The following ANKRD30B variants were observed in gnomAD, a reference collection of about 807,000 sequenced individuals.
ANKRD30B encodes ankyrin repeat domain 30B.
ANKRD30B carries 144 observed loss-of-function variants against 202.2 expected under a neutral mutation model. The observed-to-expected ratio is 0.71, with a 90% confidence interval of 0.62 to 0.82. The LOEUF (loss-of-function observed/expected upper bound fraction) is 0.82. ANKRD30B is among the 40% of genes least tolerant of loss of function. ANKRD30B has a pLI of 0.00. For synonymous variants in ANKRD30B, 508 were observed against 561.3 expected (o/e 0.91, Z 1.34); for missense variants, 1,487 against 1,669.1 (o/e 0.89, Z 1.90).
At chr18:14,848,305 C>G (rs1056433263) in intron 39 of ANKRD30B, among the ~76,000 whole-genome samples, 1 of 152,092 alleles carries the variant, frequency 6.6e-6, no homozygotes, top group African/African-American at 2.4e-5. Flanking sequence ...TGGAGGCAGA[C>G]TACACTAGAG....
At chr18:14,920,845 T>C in the ANKRD30B span, among the ~76,000 whole-genome samples, 1 of 152,236 alleles carries the variant, frequency 6.6e-6, no homozygotes, top group Non-Finnish European at 1.5e-5. Context: ...TTTGAAATAA[T>C]TGACAAGTTA....
At chr18:14,892,336 T>C in the ANKRD30B span, among the ~76,000 whole-genome samples, 1 of 152,218 alleles carries the variant, frequency 6.6e-6, no homozygotes, top group Non-Finnish European at 1.5e-5. Flanking sequence ...TAGGCAGACA[T>C]CTTCCCTTTT....
In ANKRD30B at chr18:14,810,357, T is replaced by A. The variant is rs1329526030; in HGVS notation, c.2488+177T>A. Among the ~76,000 whole-genome samples, 49 of 151,434 alleles carry A rather than the reference T, an allele frequency of 3.2e-4. 1 individual carries two copies. The highest frequency in any genetic ancestry group is 6.0e-4 in the Non-Finnish European group (41 of 67,836). ...AAAATGCCATTTAGAAGCATAAGAA[T>A]TAGGGATTTAGAAAAAAATTCTGCT... On this transcript the variant is annotated intron_variant, in intron 28 of 43. Coordinates refer to ENST00000690538, the MANE Select transcript of ANKRD30B (RefSeq NM_001367607.2).
At chr18:14,778,704 G>A (rs1309921844) in intron 10 of ANKRD30B, among the ~76,000 whole-genome samples, 1 of 152,212 alleles carries the variant, frequency 6.6e-6, no homozygotes, top group African/African-American at 2.4e-5. Context: ...TGTCAACAAT[G>A]CATGCTGTGA....
the ANKRD30B span, among the ~76,000 whole-genome samples, chr18:14,922,308 C>T: frequency 6.6e-6 from 1 of 152,244 alleles, no homozygotes; most frequent in African/African-American, 2.4e-5. Context: ...AGTTGAGTTT[C>T]TGCAAGCTTC....
intron 5 of ANKRD30B, among the ~76,000 whole-genome samples, chr18:14,758,242 C>A (rs150856743): frequency 6.6e-6 from 1 of 152,120 alleles, no homozygotes; most frequent in Non-Finnish European, 1.5e-5. Flanking sequence ...ATGTCCACTT[C>A]GGCAGAAAAC....
chr18:14,890,148 A>G, the ANKRD30B span: 9 of 733,046 alleles, frequency 1.2e-5, no homozygotes, highest in Admixed American at 2.1e-5. Context: ...CCAATGATCC[A>G]TGAATGGCCA....
At chr18:14,769,225 C>T (rs542700168) in intron 7 of ANKRD30B, 118 bp from the exon 8 acceptor site, 1 of 744,794 alleles carries the variant, frequency 1.3e-6, no homozygotes, top group African/African-American at 1.8e-5. Flanking sequence ...TCCTGCCTCA[C>T]CTTCCCAAGT....
the ANKRD30B span, among the ~76,000 whole-genome samples, chr18:14,894,134 T>G: frequency 1.3e-5 from 2 of 152,230 alleles, no homozygotes; most frequent in Non-Finnish European, 2.9e-5. Context: ...GCTTCCCTAT[T>G]GTTTATCGTC....
chr18:14,750,873 A>T (rs1028336384), intron 1 of ANKRD30B, among the ~76,000 whole-genome samples: 8 of 152,082 alleles, frequency 5.3e-5, no homozygotes, highest in African/African-American at 1.9e-4. Context: ...AAAATTTGAT[A>T]ACATTTGCTA....
the ANKRD30B span, among the ~76,000 whole-genome samples, chr18:14,899,477 A>T: frequency 2.0e-5 from 3 of 152,092 alleles, no homozygotes; most frequent in African/African-American, 7.2e-5. Context: ...TTTACAATTT[A>T]TTTGGTTTCT....
chr18:14,783,973 A>G lies in ANKRD30B; in HGVS notation c.1571-363A>G, dbSNP rs183960962. Among the ~76,000 whole-genome samples the G allele has an allele frequency of 6.4e-3, 969 of 152,284 alleles. 5 individuals carry two copies. Among genetic ancestry groups the G allele is most frequent in the Middle Eastern group, 0.027 (8 of 294 alleles). ...CTATGTACCTTTCCAAAGATAGGCC[A>G]TATTAAAGAACATGATGAATAGAAT... On this transcript the variant is annotated intron_variant, in intron 12 of 43. Coordinates refer to ENST00000690538, the MANE Select transcript of ANKRD30B (RefSeq NM_001367607.2).
At chr18:14,826,740 C>A (rs1194401177) in intron 32 of ANKRD30B, among the ~76,000 whole-genome samples, 1 of 127,834 alleles carries the variant, frequency 7.8e-6, no homozygotes, top group African/African-American at 2.8e-5. Flanking sequence ...TACAGTAATT[C>A]ATCCTTATCC....
intron 39 of ANKRD30B, among the ~76,000 whole-genome samples, chr18:14,847,195 G>T (rs1383427270): frequency 1.3e-5 from 2 of 149,856 alleles, no homozygotes; most frequent in Admixed American, 6.7e-5. Flanking sequence ...ATAACTCTTT[G>T]CTTTGCTGTC....
chr18:14,890,977 T>TCC, the ANKRD30B span, among the ~76,000 whole-genome samples: 3 of 152,104 alleles, frequency 2.0e-5, no homozygotes, highest in Non-Finnish European at 2.9e-5. Context: ...ATCCTGTATT[T>TCC]TAATGACACA....
chr18:14,750,965 G>C (rs1463613754), intron 1 of ANKRD30B, among the ~76,000 whole-genome samples: 1 of 151,922 alleles, frequency 6.6e-6, no homozygotes, highest in Non-Finnish European at 1.5e-5. Context: ...GATGCTATTA[G>C]TAAAAGTTTA....
the ANKRD30B span, among the ~76,000 whole-genome samples, chr18:14,860,982 C>A: frequency 1.3e-5 from 2 of 152,128 alleles, no homozygotes; most frequent in African/African-American, 4.8e-5. Flanking sequence ...ATTACAGGTG[C>A]GAGCCACTGC....
the ANKRD30B span, among the ~76,000 whole-genome samples, chr18:14,883,373 C>CTG: frequency 3.6e-4 from 19 of 53,254 alleles, no homozygotes; most frequent in Middle Eastern, 0.011. Context: ...CTGTCTGTCT[C>CTG]TCTCTCTCTC....
At chr18:14,785,413 T>C (rs1223341532) in intron 14 of ANKRD30B, among the ~76,000 whole-genome samples, 1 of 152,228 alleles carries the variant, frequency 6.6e-6, no homozygotes, top group East Asian at 1.9e-4. Flanking sequence ...TTCCATTGTA[T>C]GACAGTAGCA....
Sources: allele counts gnomAD v4.1 joint callset (sites outside exome capture counted in the v4.1 genomes callset), GRCh38; gene constraint gnomAD v4.1.1; transcripts MANE v1.5; gene names NCBI Gene and HGNC (gene_info 2026-07-23, HGNC 2026-07-21).